The following SRP72 variants were observed in gnomAD, a reference collection of about 807,000 sequenced individuals.
SRP72 encodes the protein signal recognition particle 72, also known as signal recognition particle subunit SRP72.
In SRP72, 49 loss-of-function variants were observed where a neutral mutation model predicts 96.3. That is an observed-to-expected ratio of 0.51 (90% CI 0.40 to 0.65). The LOEUF (loss-of-function observed/expected upper bound fraction) is 0.65, where lower values mean the gene tolerates loss of function less well. Ranked by LOEUF, SRP72 falls within the 30% of genes least tolerant of loss-of-function variation. The pLI is 0.00. For missense variants in SRP72, 736 were observed against 793.3 expected (o/e 0.93, Z 0.87); for synonymous variants, 267 against 275.2 (o/e 0.97, Z 0.30).
chr4:56,472,138 A>G (rs139402431), intron 3 of SRP72, among the ~76,000 whole-genome samples: 1 of 152,352 alleles, frequency 6.6e-6, no homozygotes, highest in East Asian at 1.9e-4. Flanking sequence ...GAGCTTGTAT[A>G]TTAAACAGAT....
chr4:56,469,858 T>G, intron 2 of SRP72, 85 bp downstream of exon 2: 2 of 1,298,122 alleles, frequency 1.5e-6, no homozygotes, highest in Non-Finnish European at 2.0e-6. Context: ...CCCAACTATT[T>G]GCTGATTTTT....
At chr4:56,488,678 G>A (rs1405789773) in intron 12 of SRP72, among the ~76,000 whole-genome samples, 4 of 152,058 alleles carry the variant, frequency 2.6e-5, no homozygotes, top group Non-Finnish European at 5.9e-5. Context: ...TTCAAGGAAT[G>A]TATCCATTTC....
chr4:56,489,593 G>A, intron 13 of SRP72, 110 bp downstream of exon 13: 5 of 526,232 alleles, frequency 9.5e-6, no homozygotes, highest in Non-Finnish European at 1.7e-5. Flanking sequence ...TTTTAAAAGT[G>A]GAATACTATT....
rs192642228 is a variant in SRP72 at position 56,486,245 on chromosome 4, T to C, written c.1087-80T>C. 1.4e-4 allele frequency: 143 copies of C among 992,898 alleles called. No individual in the cohort carries two copies. In the African/African-American group the frequency reaches 2.0e-3, roughly 14 times the overall value. 61.5% of individuals were successfully genotyped at this position (992,898 alleles called of 1,614,324 possible). ...TTTTAAAACTGGATTTAAAATCTTA[T>C]GTAGCTAAGTAATTGTAATGTATAC... On this transcript the variant is annotated intron_variant, in intron 10 of 18. Coordinates refer to ENST00000642900, the MANE Select transcript of SRP72 (RefSeq NM_006947.4).
Position 56,474,361 on chromosome 4 carries a change from C to G in SRP72, c.580C>G (p.Gln194Glu). 1 of 1,614,020 alleles carries G rather than the reference C, an allele frequency of 6.2e-7. No individual in the cohort carries two copies. The highest frequency in any genetic ancestry group is 1.7e-5 in the Admixed American group (1 of 59,988). Residue 194 changes from glutamine (Q) to glutamate (E), a missense_variant, in exon 5 of 19, where the codon CAG becomes GAG. Physicochemically the swap from Gln to Glu is conservative, Grantham distance 29 (BLOSUM62 2). Coordinates refer to ENST00000642900, the MANE Select transcript of SRP72 (RefSeq NM_006947.4). ...ACTGATAGGCCAAGGCCAGCTGAAC[C>G]AGGCCATGAAAATCCTACAAAAAGC... ...CALIGQGQLN[Q>E]AMKILQKAED...
chr4:56,500,420 A>T, intron 17 of SRP72, 116 bp from the exon 18 acceptor site: 1 of 1,154,394 alleles, frequency 8.7e-7, no homozygotes, highest in East Asian at 2.4e-5. Flanking sequence ...AAACTTTCTC[A>T]AATAAATTCA....
chr4:56,481,611 CA>C (rs1720487674), intron 8 of SRP72, among the ~76,000 whole-genome samples: 1 of 151,850 alleles, frequency 6.6e-6, no homozygotes, highest in Non-Finnish European at 1.5e-5. Flanking sequence ...AAAATGGGTT[CA>C]AAAGTGGTAC....
chr4:56,468,737 A>G (rs1485231641), intron 1 of SRP72, among the ~76,000 whole-genome samples: 1 of 152,216 alleles, frequency 6.6e-6, no homozygotes. Flanking sequence ...GAAAATAGCT[A>G]CGAATTAGAA....
chr4:56,503,300 A>G lies in SRP72; in HGVS notation c.*1439A>G, dbSNP rs1341120091. 6.6e-6 allele frequency: 1 copy of G among 152,126 alleles called. No individual in the cohort carries two copies. The highest frequency in any genetic ancestry group is 1.5e-5 in the Non-Finnish European group (1 of 68,018). 9.4% of individuals were successfully genotyped at this position (152,126 alleles called of 1,614,324 possible). A position where few individuals can be genotyped will look rare whatever the true frequency, so the allele number is the denominator to read the frequency against. ...CAGTCTTTTGGTAATAGTGGCAGGTATTTATTCCTTCTGAATATATACCCC... is the reference window on the plus strand; with the variant it reads ...CAGTCTTTTGGTAATAGTGGCAGGTGTTTATTCCTTCTGAATATATACCCC... On this transcript the variant is annotated 3_prime_UTR_variant, in exon 19 of 19. Transcript: ENST00000642900.
chr4:56,497,659 TAAAA>T (rs35264552), intron 17 of SRP72, among the ~76,000 whole-genome samples: 1 of 151,160 alleles, frequency 6.6e-6, no homozygotes, highest in African/African-American at 2.4e-5. Context: ...TATCCATCTT[TAAAA>T]AAAAAGAAAA....
At chr4:56,491,923 C>G (rs1395063712) in intron 16 of SRP72, among the ~76,000 whole-genome samples, 1 of 152,100 alleles carries the variant, frequency 6.6e-6, no homozygotes, top group African/African-American at 2.4e-5. Context: ...TACAGTGGCA[C>G]AGTCTTGGCT....
chr4:56,494,550 C>T (rs567694499), intron 16 of SRP72, among the ~76,000 whole-genome samples: 2 of 151,930 alleles, frequency 1.3e-5, no homozygotes, highest in South Asian at 2.1e-4. Context: ...ATTACAGGCA[C>T]GCACTGCCAC....
chr4:56,478,225 C>T (rs368661903), intron 6 of SRP72, among the ~76,000 whole-genome samples, 154 bp from the exon 7 acceptor site: 43 of 146,578 alleles, frequency 2.9e-4, no homozygotes, highest in African/African-American at 9.8e-4. Flanking sequence ...TTAAACTTCT[C>T]TCTTGCTGGC....
Position 56,490,365 on chromosome 4 carries a change from A to T in SRP72, c.1353A>T (p.Arg451Ser). The T allele has an allele frequency of 1.2e-6, 2 of 1,613,942 alleles. No individual in the cohort carries two copies. Among genetic ancestry groups the T allele is most frequent in the South Asian group, 2.2e-5 (2 of 91,018 alleles). The change falls in exon 14 of 19, where the codon AGA (arginine) becomes AGT (serine). Residue 451 changes from arginine (R) to serine (S), a missense_variant. Physicochemically the swap from Arg to Ser is moderately radical, Grantham distance 110. This residue lies in a region of SRP72 where 388 missense variants were observed against 431.8 expected (regional missense o/e 0.90). Coordinates refer to ENST00000642900, the MANE Select transcript of SRP72 (RefSeq NM_006947.4). ...CTCCTGCTCATTTGTCCTTGATAAG[A>T]GAAGCTGCAAACTTCAAACTCAAAT... ...PKSPAHLSLIREAANFKLKYG... is the reference protein window; with the variant it reads ...PKSPAHLSLISEAANFKLKYG...
intron 17 of SRP72, among the ~76,000 whole-genome samples, chr4:56,497,091 T>A (rs1212497547): frequency 6.6e-6 from 1 of 152,240 alleles, no homozygotes; most frequent in African/African-American, 2.4e-5. Context: ...CTCAAAGTTT[T>A]TATAAAATTG....
chr4:56,491,527 G>A lies in SRP72; in HGVS notation c.1599G>A (p.Lys533=), dbSNP rs576478332. 9.9e-6 allele frequency: 16 copies of A among 1,613,952 alleles called. No homozygotes were observed. The South Asian group carries it at 1.8e-4, about 18-fold the overall frequency. The change falls in exon 16 of 19, where the codon AAG becomes AAA. Residue 533 remains lysine, a synonymous_variant. Coordinates refer to ENST00000642900, the MANE Select transcript of SRP72 (RefSeq NM_006947.4). The stretch of plus-strand genomic sequence containing the variant: ...CTGGTGCTACATACATTCGGAAGAA[G>A]GGTGGAAAAGTTACTGGAGATAGTC... ...NSAGATYIRK[K]GGKVTGDSQP... is the part of the protein sequence containing the mutation.
chr4:56,469,420 T>A (rs1180374865), intron 1 of SRP72, among the ~76,000 whole-genome samples: 1 of 152,226 alleles, frequency 6.6e-6, no homozygotes, highest in East Asian at 1.9e-4. Flanking sequence ...TTTATCTCAT[T>A]GAAAATTTAA....
chr4:56,491,685 C>A, intron 16 of SRP72, 117 bp downstream of exon 16: 1 of 1,038,782 alleles, frequency 9.6e-7, no homozygotes, highest in Non-Finnish European at 1.4e-6. Context: ...TGTTCCTTTT[C>A]CATTTCTCTC....
At chr4:56,478,312 G>T (rs1720331718) in intron 6 of SRP72, 67 bp from the exon 7 acceptor site, 2 of 1,465,758 alleles carry the variant, frequency 1.4e-6, no homozygotes, top group Middle Eastern at 2.6e-4. Context: ...TTGAATGTTT[G>T]GGTCATTTGG....
Sources: allele counts gnomAD v4.1 joint callset (sites outside exome capture counted in the v4.1 genomes callset), GRCh38; gene constraint gnomAD v4.1.1; regional missense constraint gnomAD v4.1.1; transcripts MANE v1.5; gene names NCBI Gene and HGNC (gene_info 2026-07-23, HGNC 2026-07-21).